The following CD226 variants were observed in gnomAD, a reference collection of about 807,000 sequenced individuals.
CD226 encodes the protein CD226 antigen.
Under a neutral mutation model 34.9 loss-of-function variants are expected in CD226, and 24 were observed. The observed-to-expected ratio is 0.69, with a 90% CI of 0.50 to 0.97. CD226 has a LOEUF of 0.97. Among genes scored for constraint, CD226 ranks in the 50% least tolerant of loss-of-function variants. CD226 has a pLI of 0.00. For missense variants in CD226, 397 were observed against 412.7 expected (o/e 0.96, Z 0.33); for synonymous variants, 148 against 147.4 (o/e 1.00, Z -0.03).
chr18:69,949,914 A>C (rs1346504894), upstream of CD226, among the ~76,000 whole-genome samples: 1 of 151,960 alleles, frequency 6.6e-6, no homozygotes, highest in Non-Finnish European at 1.5e-5. Flanking sequence ...GCATGTGCAC[A>C]TATACTCTCA....
At position 69,914,429 on chromosome 18, in the gene CD226, C is replaced by G. The variant is rs563950372; in HGVS notation, c.383-18384G>C. 8.9e-4 allele frequency among the ~76,000 whole-genome samples: 136 copies of G among 152,304 alleles called. 1 individual carries two copies. Among genetic ancestry groups the G allele is most frequent in the African/African-American group, 3.1e-3 (127 of 41,568 alleles). On this transcript the variant is annotated intron_variant, in intron 2 of 5. Coordinates refer to ENST00000582621, the MANE Select transcript of CD226 (RefSeq NM_001303618.2). ...GGACCAAGAGGAGAATATTTATTTT[C>G]AAGTTTTGTGGTTAGCAATTCCTTG...
chr18:69,886,017 C>G (rs999604767), intron 3 of CD226, among the ~76,000 whole-genome samples: 46 of 152,180 alleles, frequency 3.0e-4, no homozygotes, highest in African/African-American at 1.0e-3. Context: ...GAAGGACGCT[C>G]TGTAGCTCCA....
At chr18:69,960,372 C>A (rs1599042014), upstream of CD226, among the ~76,000 whole-genome samples, 1 of 152,134 alleles carries the variant, frequency 6.6e-6, no homozygotes, top group Non-Finnish European at 1.5e-5. Flanking sequence ...TACTGCAGAA[C>A]AAACATCTCA....
chr18:69,881,452 T>C (rs536850216), intron 3 of CD226, among the ~76,000 whole-genome samples: 13 of 152,326 alleles, frequency 8.5e-5, no homozygotes, highest in African/African-American at 2.4e-4. Flanking sequence ...AGACTTCACA[T>C]AGGACACTTA....
chr18:69,872,863 C>T (rs1483217244), intron 4 of CD226, among the ~76,000 whole-genome samples: 1 of 152,118 alleles, frequency 6.6e-6, no homozygotes, highest in Non-Finnish European at 1.5e-5. Flanking sequence ...ACCACCCCCT[C>T]GCTGTCAGCT....
intron 3 of CD226, among the ~76,000 whole-genome samples, chr18:69,886,998 T>A (rs1984594641): frequency 6.6e-6 from 1 of 152,216 alleles, no homozygotes; most frequent in South Asian, 2.1e-4. Context: ...TCTGCTGCTT[T>A]ATGCTCTAGA....
upstream of CD226, chr18:69,961,470 T>C (rs1049547513): frequency 2.6e-5 from 4 of 152,222 alleles, no homozygotes; most frequent in South Asian, 2.1e-4. Context: ...GGAAATGTTA[T>C]ATGTTTGCAC....
chr18:69,881,999 G>A (rs910416852), intron 3 of CD226, among the ~76,000 whole-genome samples: 5 of 152,196 alleles, frequency 3.3e-5, no homozygotes, highest in African/African-American at 1.2e-4. Flanking sequence ...GTCCTAGAGT[G>A]TAAATTATTT....
At chr18:69,905,476 A>G (rs2055241158) in intron 2 of CD226, among the ~76,000 whole-genome samples, 1 of 152,094 alleles carries the variant, frequency 6.6e-6, no homozygotes. Flanking sequence ...GAGAGAGGAG[A>G]GCCCAGAACT....
intron 2 of CD226, among the ~76,000 whole-genome samples, chr18:69,922,074 A>C (rs2055458618): frequency 6.6e-6 from 1 of 152,222 alleles, no homozygotes; most frequent in Non-Finnish European, 1.5e-5. Context: ...CGGAGCACTA[A>C]GGTGTACAAA....
intron 2 of CD226, among the ~76,000 whole-genome samples, chr18:69,912,568 T>C (rs2055338524): frequency 6.6e-6 from 1 of 152,212 alleles, no homozygotes; most frequent in South Asian, 2.1e-4. Context: ...AATTCCTCTC[T>C]ACTGAGGGCT....
At chr18:69,908,240 A>G (rs999754503) in intron 2 of CD226, among the ~76,000 whole-genome samples, 1 of 152,186 alleles carries the variant, frequency 6.6e-6, no homozygotes, top group African/African-American at 2.4e-5. Context: ...TGCTTTTCTC[A>G]GTTATGCCAA....
intron 2 of CD226, among the ~76,000 whole-genome samples, chr18:69,917,616 C>T (rs1032589033): frequency 6.6e-6 from 1 of 152,196 alleles, no homozygotes; most frequent in African/African-American, 2.4e-5. Flanking sequence ...TATATGTTCT[C>T]CTACCTGATT....
chr18:69,926,587 TA>T (rs1479513253), intron 2 of CD226, among the ~76,000 whole-genome samples: 1 of 152,184 alleles, frequency 6.6e-6, no homozygotes, highest in Non-Finnish European at 1.5e-5. Flanking sequence ...TGGTAACAGC[TA>T]AATATGTGTT....
intron 2 of CD226, among the ~76,000 whole-genome samples, chr18:69,912,810 T>C (rs968145042): frequency 6.6e-6 from 1 of 152,192 alleles, no homozygotes; most frequent in African/African-American, 2.4e-5. Context: ...TTATAGAGGA[T>C]GAAATTCAGG....
At chr18:69,890,703 G>A (rs971412296) in intron 3 of CD226, among the ~76,000 whole-genome samples, 1 of 152,094 alleles carries the variant, frequency 6.6e-6, no homozygotes, top group Admixed American at 6.5e-5. Context: ...AGTGTTTTGA[G>A]GCAGTGGAAA....
intron 2 of CD226, among the ~76,000 whole-genome samples, chr18:69,938,515 C>G (rs1045635052): frequency 1.3e-5 from 2 of 152,162 alleles, no homozygotes; most frequent in Non-Finnish European, 2.9e-5. Flanking sequence ...TTTGTTGTTC[C>G]ATAATTTCAA....
intron 3 of CD226, among the ~76,000 whole-genome samples, chr18:69,883,047 T>A (rs1007317293): frequency 6.6e-6 from 1 of 152,176 alleles, no homozygotes; most frequent in African/African-American, 2.4e-5. Flanking sequence ...TTCTAGTGCT[T>A]TTGTGTTCAT....
At chr18:69,886,151 T>G (rs1984544983) in intron 3 of CD226, among the ~76,000 whole-genome samples, 1 of 152,124 alleles carries the variant, frequency 6.6e-6, no homozygotes, top group Non-Finnish European at 1.5e-5. Context: ...CGCATCTGAA[T>G]CCCTGCCCCT....
Sources: allele counts gnomAD v4.1 joint callset (sites outside exome capture counted in the v4.1 genomes callset), GRCh38; gene constraint gnomAD v4.1.1; transcripts MANE v1.5; gene names NCBI Gene and HGNC (gene_info 2026-07-23, HGNC 2026-07-21).